The following SUPT5H variants were observed in gnomAD, a reference collection of about 807,000 sequenced individuals.
The protein encoded by SUPT5H is transcription elongation factor SPT5.
In SUPT5H, 24 loss-of-function variants were observed where a neutral mutation model predicts 142.5. The ratio of observed to expected loss-of-function variants is 0.17; its 90% CI spans 0.12 to 0.24. The LOEUF is 0.24. Ranked by LOEUF, SUPT5H falls within the 10% of genes least tolerant of loss-of-function variation. The pLI is 1.00. For synonymous variants in SUPT5H, 546 were observed against 553.0 expected (o/e 0.99, Z 0.18); for missense variants, 893 against 1,471.8 (o/e 0.61, Z 6.43).
At position 39,445,621 on chromosome 19, in the gene SUPT5H, G is replaced by A. The variant is rs2078942373; in HGVS notation, c.-104G>A. On this transcript the variant is annotated 5_prime_UTR_variant, in exon 1 of 30. Coordinates refer to ENST00000432763, the MANE Select transcript of SUPT5H (RefSeq NM_001111020.3). ...CGAACAGCAGCTGGTACCGAAGGCGGAGGTGGAGCCCGAGAGGTAAGTGCG... is the reference window on the plus strand; with the variant it reads ...CGAACAGCAGCTGGTACCGAAGGCGAAGGTGGAGCCCGAGAGGTAAGTGCG... 1 of 462,850 alleles carries A rather than the reference G, an allele frequency of 2.2e-6. No homozygotes were observed. The highest frequency in any genetic ancestry group is 4.0e-6 in the Non-Finnish European group (1 of 251,272). 28.7% of individuals were successfully genotyped at this position (462,850 alleles called of 1,614,324 possible).
intron 2 of SUPT5H, among the ~76,000 whole-genome samples, chr19:39,448,800 T>C (rs2078984088): frequency 6.6e-6 from 1 of 152,060 alleles, no homozygotes; most frequent in South Asian, 2.1e-4. Context: ...ATTTATTCAT[T>C]CAACAAATGT....
chr19:39,449,835 T>C lies in SUPT5H; in HGVS notation c.76-3521T>C, dbSNP rs551374877. 4.6e-5 allele frequency among the ~76,000 whole-genome samples: 7 copies of C among 152,098 alleles called. No homozygotes were observed. In the South Asian group the frequency reaches 1.5e-3, roughly 32 times the overall value. On this transcript the variant is annotated intron_variant, in intron 2 of 29. Coordinates refer to ENST00000432763, the MANE Select transcript of SUPT5H (RefSeq NM_001111020.3). The stretch of plus-strand genomic sequence containing the variant: ...TTATATTTTTGGTAGAGATGGGGTT[T>C]CACCATGTTGGCCAGGGTGGTCTCA...
intron 10 of SUPT5H, 86 bp downstream of exon 10, chr19:39,460,046 C>T (rs1367738559): frequency 8.4e-6 from 12 of 1,435,416 alleles, no homozygotes; most frequent in Non-Finnish European, 1.2e-5. Context: ...GTACCAGGTG[C>T]CTCTGTTGTG....
intron 28 of SUPT5H, among the ~76,000 whole-genome samples, chr19:39,475,590 C>G (rs2079393871): frequency 6.6e-6 from 1 of 151,922 alleles, no homozygotes; most frequent in Non-Finnish European, 1.5e-5. Flanking sequence ...GGGCTGGGAC[C>G]CCAGGGGGAG....
intron 10 of SUPT5H, chr19:39,460,243 G>A: frequency 2.3e-6 from 1 of 426,126 alleles, no homozygotes; most frequent in East Asian, 4.6e-5. Flanking sequence ...ATGAGAGTGG[G>A]TTTGCCTGTT....
At chr19:39,459,795 G>T (rs2079137602) in intron 9 of SUPT5H, 97 bp from the exon 10 acceptor site, 1 of 1,411,962 alleles carries the variant, frequency 7.1e-7, no homozygotes, top group Non-Finnish European at 1.0e-6. Context: ...TCCTCTCTTG[G>T]TCCTACTTTA....
At chr19:39,460,574 C>A (rs568171319) in intron 10 of SUPT5H, among the ~76,000 whole-genome samples, 15 of 152,208 alleles carry the variant, frequency 9.9e-5, no homozygotes, top group African/African-American at 3.6e-4. Context: ...CCCGTCTCTA[C>A]TAAAAATACA....
At position 39,458,375 on chromosome 19, in the gene SUPT5H, C is replaced by T. The variant is rs577340014; in HGVS notation, c.319+70C>T. The T allele has an allele frequency of 9.4e-6, 15 of 1,602,958 alleles. No individual in the cohort carries two copies. The South Asian group carries it at 1.3e-4, about 14-fold the overall frequency. The stretch of plus-strand genomic sequence containing the variant: ...CTGACATTTCCTCCTTCCTGAGGCA[C>T]CTGCCCTCACCGGTAGCCTCCCCAC... On this transcript the variant is annotated intron_variant, in intron 5 of 29. Coordinates refer to ENST00000432763, the MANE Select transcript of SUPT5H (RefSeq NM_001111020.3). The surrounding 1 kb of genome is among the most constrained non-coding windows in gnomAD (Gnocchi z 4.2).
Position 39,459,267 on chromosome 19 carries a change from G to A in SUPT5H, c.524+18G>A, listed in dbSNP as rs1049589800. 6 of 1,555,908 alleles carry A rather than the reference G, an allele frequency of 3.9e-6. No individual in the cohort carries two copies. Among genetic ancestry groups the A allele is most frequent in the Admixed American group, 2.0e-5 (1 of 51,190 alleles). ...GGAGTCAAGTAAGGGGGTTGGGATGGTGGGGGCCGTGCTGGGGTGCGAATC... is the reference window on the plus strand; with the variant it reads ...GGAGTCAAGTAAGGGGGTTGGGATGATGGGGGCCGTGCTGGGGTGCGAATC... On this transcript the variant is annotated intron_variant, in intron 8 of 29. Coordinates refer to ENST00000432763, the MANE Select transcript of SUPT5H (RefSeq NM_001111020.3).
chr19:39,457,849 C>T (rs565518191), intron 4 of SUPT5H, 109 bp downstream of exon 4: 74 of 1,526,322 alleles, frequency 4.8e-5, no homozygotes, highest in South Asian at 1.5e-4. Context: ...CAACTCCCAC[C>T]GTCCTCACCT....
Position 39,473,568 on chromosome 19 carries a change from G to A in SUPT5H, c.2492+47G>A. On this transcript the variant is annotated intron_variant, in intron 25 of 29. Coordinates refer to ENST00000432763, the MANE Select transcript of SUPT5H (RefSeq NM_001111020.3). The surrounding 1 kb of genome is among the most constrained non-coding windows in gnomAD (Gnocchi z 5.8). ...TTCTGGTGTGTGCTGGTGTGTGTGA[G>A]GGATGATGCTGGGTGTCTGGGGCAT... 1 of 1,576,690 alleles carries A rather than the reference G, an allele frequency of 6.3e-7. No individual in the cohort carries two copies.
In SUPT5H at chr19:39,453,415, AGAG is replaced by A. The variant is rs781709999; in HGVS notation, c.144_146del (p.Glu53del). On this transcript the variant is annotated inframe_deletion, in exon 3 of 30. Coordinates refer to ENST00000432763, the MANE Select transcript of SUPT5H (RefSeq NM_001111020.3). ...AGAAAGAAGAAGAGCCTGAGGACGAAGAGGAGGAGGAAGAGGAGGAGGAATACG... is the reference window on the plus strand; with the variant it reads ...AGAAAGAAGAAGAGCCTGAGGACGAAGAGGAGGAAGAGGAGGAGGAATACG... 2.1e-4 allele frequency: 330 copies of A among 1,592,252 alleles called. No individual in the cohort carries two copies. Among genetic ancestry groups the A allele is most frequent in the Non-Finnish European group, 2.4e-4 (278 of 1,168,976 alleles).
chr19:39,468,682 T>C, intron 13 of SUPT5H, 74 bp from the exon 14 acceptor site: 1 of 1,347,334 alleles, frequency 7.4e-7, no homozygotes, highest in Non-Finnish European at 1.1e-6. Flanking sequence ...TGTTGCCAGC[T>C]GAGAAGACTG....
intron 2 of SUPT5H, among the ~76,000 whole-genome samples, chr19:39,449,611 G>T (rs925766423): frequency 6.6e-6 from 1 of 151,876 alleles, no homozygotes; most frequent in South Asian, 2.1e-4. Flanking sequence ...GGGAGAGGGG[G>T]CGGGGATGGC....
rs529202279 is a variant in SUPT5H, at chr19:39,469,564, C to A, written c.1374+166C>A. On this transcript the variant is annotated intron_variant, in intron 16 of 29. Transcript: ENST00000432763. This position sits in a 1 kb window ranked among gnomAD's most constrained non-coding sequence, Gnocchi z 5.1. Reference sequence around the variant, plus strand: ...TGAGAGGCTCTGTCTGAGTGCAGCTCAGGGTCGGTGGGCAGCAGGCCTGCC... The same window carrying A: ...TGAGAGGCTCTGTCTGAGTGCAGCTAAGGGTCGGTGGGCAGCAGGCCTGCC... 1.0e-6 allele frequency: 1 copy of A among 988,854 alleles called. No individual in the cohort carries two copies. The highest frequency in any genetic ancestry group is 1.5e-6 in the Non-Finnish European group (1 of 673,846). 61.3% of individuals were successfully genotyped at this position (988,854 alleles called of 1,614,324 possible).
At chr19:39,468,670 T>C in intron 13 of SUPT5H, 86 bp from the exon 14 acceptor site, 12 of 1,222,944 alleles carry the variant, frequency 9.8e-6, no homozygotes, top group Non-Finnish European at 1.4e-5. Context: ...GTCCTCTCCT[T>C]CTGTTGCCAG....
chr19:39,474,510 T>C lies in SUPT5H; in HGVS notation c.2821-5T>C. 1 of 1,613,932 alleles carries C rather than the reference T, an allele frequency of 6.2e-7. No individual in the cohort carries two copies. Among genetic ancestry groups the C allele is most frequent in the South Asian group, 1.1e-5 (1 of 91,068 alleles). ...TCCCAATGACACTTCCTCTTTCCCC[T>C]GCAGGCTAGCCCCAGCCCGAGCCCC... On this transcript the variant is annotated splice_polypyrimidine_tract_variant and splice_region_variant and intron_variant, in intron 27 of 29. Coordinates refer to ENST00000432763, the MANE Select transcript of SUPT5H (RefSeq NM_001111020.3). The surrounding 1 kb of genome is among the most constrained non-coding windows in gnomAD (Gnocchi z 6.5).
At chr19:39,452,530 G>C (rs1428872215) in intron 2 of SUPT5H, among the ~76,000 whole-genome samples, 1 of 152,118 alleles carries the variant, frequency 6.6e-6, no homozygotes, top group East Asian at 1.9e-4. Context: ...TCTCCAGGGA[G>C]GGCATGGTTG....
In SUPT5H at chr19:39,472,556, TC is replaced by T. The variant is rs1170086199; in HGVS notation, c.2035+64del. 2.7e-5 allele frequency: 43 copies of T among 1,573,588 alleles called. No homozygotes were observed. Among genetic ancestry groups the T allele is most frequent in the Non-Finnish European group, 3.4e-5 (39 of 1,146,268 alleles). ...AAGGGGCTGGAAGGAACTTGGTTGT[TC>T]AGCCTACACTCACTGAGTGCCTGTG... On this transcript the variant is annotated intron_variant, in intron 21 of 29. Transcript: ENST00000432763. This position sits in a 1 kb window ranked among gnomAD's most constrained non-coding sequence, Gnocchi z 4.2.
Sources: gnomAD v4.1 joint callset for allele counts (sites outside exome capture counted in the v4.1 genomes callset) on GRCh38, gnomAD v4.1.1 for gene constraint, Gnocchi (gnomAD v3.1) non-coding constraint, MANE v1.5 for transcripts, NCBI Gene and HGNC (gene_info 2026-07-23, HGNC 2026-07-21) for gene names.